The following MAN1A2 variants were observed in gnomAD, a reference collection of about 807,000 sequenced individuals.
The protein encoded by MAN1A2 is mannosyl-oligosaccharide 1,2-alpha-mannosidase IB.
MAN1A2 carries 26 observed loss-of-function variants against 75.7 expected under a neutral mutation model. The observed-to-expected ratio is 0.34, with a 90% CI of 0.25 to 0.48. MAN1A2 has a LOEUF of 0.48. MAN1A2 is among the 20% of genes least tolerant of loss of function. MAN1A2 has a pLI of 0.99. For missense variants in MAN1A2, 562 were observed against 775.5 expected, an observed-to-expected ratio of 0.72 and a Z score of 3.27; for synonymous variants, 247 against 264.6, an observed-to-expected ratio of 0.93 and a Z score of 0.65.
At chr1:117,382,442 C>T (rs1330070372) in intron 1 of MAN1A2, among the ~76,000 whole-genome samples, 9 of 152,302 alleles carry the variant, frequency 5.9e-5, no homozygotes, top group African/African-American at 1.2e-4. Context: ...ATAGGGAATC[C>T]TTTCCCCATG....
At chr1:117,447,221 T>C (rs993598507) in intron 6 of MAN1A2, among the ~76,000 whole-genome samples, 8 of 152,144 alleles carry the variant, frequency 5.3e-5, no homozygotes, top group African/African-American at 1.9e-4. Flanking sequence ...TCTGACAATA[T>C]TGACATTTTA....
intron 9 of MAN1A2, chr1:117,494,736 A>C (rs1315501772): frequency 6.6e-6 from 1 of 151,988 alleles, no homozygotes; most frequent in Non-Finnish European, 1.5e-5. Context: ...TAAACGTAGA[A>C]AGTTGTATGA....
intron 12 of MAN1A2, among the ~76,000 whole-genome samples, chr1:117,503,411 T>C (rs553160524): frequency 6.6e-6 from 1 of 151,620 alleles, no homozygotes; most frequent in African/African-American, 2.4e-5. Context: ...TCATGCAGTT[T>C]TGATAGTACT....
intron 9 of MAN1A2, among the ~76,000 whole-genome samples, chr1:117,495,826 T>C (rs1367532730): frequency 6.6e-6 from 1 of 151,922 alleles, no homozygotes; most frequent in African/African-American, 2.4e-5. Context: ...GTGCTATGGT[T>C]AAAACAATGA....
At chr1:117,463,440 T>G (rs921550875) in intron 7 of MAN1A2, among the ~76,000 whole-genome samples, 1 of 151,886 alleles carries the variant, frequency 6.6e-6, no homozygotes, top group Non-Finnish European at 1.5e-5. Context: ...CCTGAACACA[T>G]AGGCTTCAAG....
chr1:117,408,595 C>T (rs998127110), intron 3 of MAN1A2, among the ~76,000 whole-genome samples: 1 of 152,002 alleles, frequency 6.6e-6, no homozygotes, highest in African/African-American at 2.4e-5. Flanking sequence ...AGATACTGCT[C>T]TGTACTTTTC....
intron 3 of MAN1A2, among the ~76,000 whole-genome samples, chr1:117,407,523 G>T (rs1647656196): frequency 6.6e-6 from 1 of 151,956 alleles, no homozygotes; most frequent in African/African-American, 2.4e-5. Context: ...ACCTTTGCTT[G>T]CAATATTCTA....
intron 12 of MAN1A2, chr1:117,515,014 G>A (rs1215194005): frequency 9.1e-6 from 4 of 441,198 alleles, no homozygotes; most frequent in Non-Finnish European, 4.6e-6. Context: ...GAGAATTAAA[G>A]TATATGAAAT....
intron 12 of MAN1A2, among the ~76,000 whole-genome samples, chr1:117,514,100 T>C (rs943686156): frequency 6.6e-6 from 1 of 152,144 alleles, no homozygotes; most frequent in South Asian, 2.1e-4. Flanking sequence ...CAGTGGCTCA[T>C]GCCTGTAATC....
intron 5 of MAN1A2, 61 bp from the exon 6 acceptor site, chr1:117,442,170 A>G (rs1649059278): frequency 1.9e-6 from 2 of 1,033,930 alleles, no homozygotes; most frequent in Non-Finnish European, 3.1e-6. Context: ...TGAGAGAGAG[A>G]GCAATAAGTA....
chr1:117,368,046 TA>T lies in MAN1A2; in HGVS notation c.-133del. On this transcript the variant is annotated 5_prime_UTR_variant, in exon 1 of 13. It introduces an in-frame stop codon into an upstream open reading frame of the 5' UTR. Coordinates refer to ENST00000356554, the MANE Select transcript of MAN1A2 (RefSeq NM_006699.5). The stretch of plus-strand genomic sequence containing the variant: ...GATGGGCGTGAATGACGTGCCCTCT[TA>T]AAAAGCACAACAGTCCTTTAAGAGG... 1.2e-6 allele frequency: 1 copy of T among 803,674 alleles called. No homozygotes were observed. Among genetic ancestry groups the T allele is most frequent in the Non-Finnish European group, 2.0e-6 (1 of 509,142 alleles). The allele number at this position is 803,674 out of a possible 1,614,324, so 49.8% of individuals were successfully genotyped here. A position where few individuals can be genotyped will look rare whatever the true frequency, so the allele number is the denominator to read the frequency against.
intron 1 of MAN1A2, among the ~76,000 whole-genome samples, chr1:117,384,787 A>G (rs1239844742): frequency 1.3e-5 from 2 of 152,066 alleles, no homozygotes; most frequent in Non-Finnish European, 2.9e-5. Flanking sequence ...TATCTTCTAA[A>G]TTGACTTCCA....
At chr1:117,503,152 G>A (rs769755372) in intron 12 of MAN1A2, among the ~76,000 whole-genome samples, 182 bp downstream of exon 12, 102 of 151,450 alleles carry the variant, frequency 6.7e-4, no homozygotes, top group Non-Finnish European at 1.2e-3. Context: ...TATAAGGTAG[G>A]TATTTTATCA....
chr1:117,417,690 G>GCGCACA (rs1648047886), intron 4 of MAN1A2, among the ~76,000 whole-genome samples: 1 of 142,684 alleles, frequency 7.0e-6, no homozygotes, highest in Non-Finnish European at 1.5e-5. Flanking sequence ...AAGTAGGCGT[G>GCGCACA]CACACACACA....
intron 12 of MAN1A2, chr1:117,515,054 CTGGTT>C (rs1158875907): frequency 6.6e-6 from 2 of 303,792 alleles, no homozygotes; most frequent in Admixed American, 8.0e-5. Context: ...AGCTTGGAGT[CTGGTT>C]TAGAAATCTC....
At position 117,523,100 on chromosome 1, in the gene MAN1A2, C is replaced by G. The variant is rs572307478; in HGVS notation, c.*143C>G. The G allele has an allele frequency of 2.0e-4, 168 of 855,454 alleles. 2 individuals are homozygous for G. The African/African-American group carries it at 2.5e-3, about 13-fold the overall frequency. 53.0% of individuals were successfully genotyped at this position (855,454 alleles called of 1,614,324 possible). A position where few individuals can be genotyped will look rare whatever the true frequency, so the allele number is the denominator to read the frequency against. On this transcript the variant is annotated 3_prime_UTR_variant, in exon 13 of 13. Transcript: ENST00000356554. ...AACTATTCCCCCTAAGACTGTTCAA[C>G]TTGTAGATACATCAACTTTGAAATT...
rs577730294 is a variant in MAN1A2, at chr1:117,492,469, C to T, written c.1169-678C>T. Among the ~76,000 whole-genome samples, 3 of 152,188 alleles carry T rather than the reference C, an allele frequency of 2.0e-5. No homozygotes were observed. In the South Asian group the frequency reaches 6.2e-4, roughly 32 times the overall value. Reference sequence around the variant, plus strand: ...GCTGTCAACACAACTTTTATAACTACTGGGAAACCAAAAAGTTTGTGTGAC... The same window carrying T: ...GCTGTCAACACAACTTTTATAACTATTGGGAAACCAAAAAGTTTGTGTGAC... On this transcript the variant is annotated intron_variant, in intron 8 of 12. Transcript: ENST00000356554.
chr1:117,509,072 C>G (rs1651453860), intron 12 of MAN1A2, among the ~76,000 whole-genome samples: 1 of 149,436 alleles, frequency 6.7e-6, no homozygotes, highest in South Asian at 2.1e-4. Flanking sequence ...ATACAAAACC[C>G]AAAGATCATT....
chr1:117,439,783 C>A (rs1208439243), intron 5 of MAN1A2, among the ~76,000 whole-genome samples: 1 of 152,170 alleles, frequency 6.6e-6, no homozygotes, highest in Non-Finnish European at 1.5e-5. Context: ...GGGTGAGCCA[C>A]CACGCCCAGC....
Sources: gnomAD v4.1 joint callset for allele counts (sites outside exome capture counted in the v4.1 genomes callset) on GRCh38, gnomAD v4.1.1 for gene constraint, MANE v1.5 for transcripts, NCBI Gene and HGNC (gene_info 2026-07-23, HGNC 2026-07-21) for gene names.